Variants in DEPDC5 observed in about 807,000 individuals in gnomAD.
DEPDC5 encodes GATOR1 complex protein DEPDC5.
In DEPDC5, 73 loss-of-function variants were observed where a neutral mutation model predicts 217.3. That is an observed-to-expected ratio of 0.34 (90% CI 0.28 to 0.41). DEPDC5 has a LOEUF of 0.41. DEPDC5 is among the 10% of genes least tolerant of loss of function. The probability of loss-of-function intolerance (pLI) is 1.00; values close to 1 mark genes in which losing one functional copy is unlikely to be tolerated. For missense variants in DEPDC5, 1,675 were observed against 2,070.1 expected (o/e 0.81, Z 3.70); for synonymous variants, 733 against 756.7 (o/e 0.97, Z 0.51).
At chr22:31,880,027 C>T (rs1053037257) in intron 38 of DEPDC5, 7 of 432,968 alleles carry the variant, frequency 1.6e-5, no homozygotes, top group East Asian at 4.7e-5. Flanking sequence ...AATATGTGGC[C>T]AATTTTCCCG....
intron 35 of DEPDC5, chr22:31,873,708 CAAGTATAGGT>C (rs1298987596): frequency 1.1e-5 from 2 of 175,170 alleles, no homozygotes; most frequent in Non-Finnish European, 2.4e-5. Flanking sequence ...TGATGCCTGA[CAAGTATAGGT>C]ATTCTCCGAA....
intron 24 of DEPDC5, among the ~76,000 whole-genome samples, chr22:31,830,112 T>C (rs1213476549): frequency 2.6e-5 from 4 of 152,252 alleles, no homozygotes; most frequent in Non-Finnish European, 4.4e-5. Flanking sequence ...GTTTTTTTTA[T>C]GGGTAAGTGC....
chr22:31,857,625 G>T, intron 32 of DEPDC5, 72 bp downstream of exon 32: 2 of 1,298,664 alleles, frequency 1.5e-6, no homozygotes, highest in Non-Finnish European at 2.2e-6. Context: ...AAAACAGATC[G>T]CCCTTCAGAT....
chr22:31,869,014 G>A (rs887126969), intron 33 of DEPDC5, among the ~76,000 whole-genome samples: 4 of 152,012 alleles, frequency 2.6e-5, no homozygotes, highest in Non-Finnish European at 5.9e-5. Context: ...AGGCTGAGGC[G>A]GAAGGATCAG....
intron 14 of DEPDC5, among the ~76,000 whole-genome samples, chr22:31,799,138 G>C (rs1245818683): frequency 6.6e-6 from 1 of 151,566 alleles, no homozygotes; most frequent in Non-Finnish European, 1.5e-5. Flanking sequence ...CCCACTCCTG[G>C]GTTCAGGCGA....
At chr22:31,754,716 G>T in intron 1 of DEPDC5, 146 bp from the exon 2 acceptor site, 1 of 603,782 alleles carries the variant, frequency 1.7e-6, no homozygotes, top group East Asian at 2.8e-5. Context: ...ATCGCTCCTT[G>T]TAACTGGAGG....
chr22:31,755,218 G>A (rs1432885085), intron 2 of DEPDC5: 1 of 523,744 alleles, frequency 1.9e-6, no homozygotes, highest in Non-Finnish European at 3.4e-6. Flanking sequence ...TTCATTTGTT[G>A]AATTGCATTA....
chr22:31,904,552 G>A (rs1307941774), intron 41 of DEPDC5, among the ~76,000 whole-genome samples: 1 of 152,118 alleles, frequency 6.6e-6, no homozygotes, highest in Non-Finnish European at 1.5e-5. Context: ...AGACCAGCCT[G>A]GCCAAAATGG....
At chr22:31,812,548 C>T (rs2088524251) in intron 20 of DEPDC5, among the ~76,000 whole-genome samples, 1 of 150,618 alleles carries the variant, frequency 6.6e-6, no homozygotes, top group Non-Finnish European at 1.5e-5. Flanking sequence ...CCTCAGCCTC[C>T]CGAGTAGCTG....
intron 32 of DEPDC5, 55 bp downstream of exon 32, chr22:31,857,608 G>A: frequency 6.8e-7 from 1 of 1,466,058 alleles, no homozygotes; most frequent in Non-Finnish European, 9.4e-7. Context: ...GACTCAGTGT[G>A]GAGGGTAAAA....
At chr22:31,844,903 C>CACAT (rs2091633384) in intron 29 of DEPDC5, 115 bp from the exon 30 acceptor site, 1 of 1,035,032 alleles carries the variant, frequency 9.7e-7, no homozygotes, top group Admixed American at 2.1e-5. Flanking sequence ...ATCAAATGAG[C>CACAT]ACATACTCAT....
intron 33 of DEPDC5, among the ~76,000 whole-genome samples, chr22:31,863,496 T>C (rs762932553): frequency 6.6e-6 from 1 of 152,088 alleles, no homozygotes; most frequent in South Asian, 2.1e-4. Context: ...GAGACTGTTA[T>C]GGAAAGTTTT....
chr22:31,853,627 A>G (rs961972764), intron 31 of DEPDC5, among the ~76,000 whole-genome samples: 5 of 152,336 alleles, frequency 3.3e-5, no homozygotes, highest in Non-Finnish European at 7.3e-5. Flanking sequence ...TTAACTGTGT[A>G]TATTTCTTCC....
intron 37 of DEPDC5, among the ~76,000 whole-genome samples, chr22:31,878,638 A>T (rs1158838001): frequency 6.6e-6 from 1 of 152,042 alleles, no homozygotes; most frequent in Non-Finnish European, 1.5e-5. Flanking sequence ...GCTTGAGCCC[A>T]GGAGGTTGAG....
rs2148707527 is a variant in DEPDC5, at chr22:31,810,580, T to C, written c.1384T>C (p.Tyr462His). Residue 462 changes from tyrosine to histidine, a missense_variant, in exon 20 of 43, where the codon TAT becomes CAT. Tyr to His is a moderately conservative substitution (Grantham distance 83). Coordinates refer to ENST00000651528, the MANE Select transcript of DEPDC5 (RefSeq NM_001242896.3). ...ALPIQVDYDA[Y>H]DAQVFRLPGP... ...TCCCATCCAAGTAGATTATGACGCC[T>C]ATGACGCTCAAGTGTTCAGGCTGCC... is the stretch of plus-strand genomic sequence containing the variant. 1.9e-6 allele frequency: 3 copies of C among 1,614,210 alleles called. No individual in the cohort carries two copies. The highest frequency in any genetic ancestry group is 2.5e-6 in the Non-Finnish European group (3 of 1,180,042).
intron 10 of DEPDC5, among the ~76,000 whole-genome samples, chr22:31,789,480 G>A (rs1201294202): frequency 6.6e-6 from 1 of 152,168 alleles, no homozygotes; most frequent in African/African-American, 2.4e-5. Context: ...GACTGAGGGT[G>A]GGGAGTGACT....
At chr22:31,847,003 T>G (rs1182918228) in intron 31 of DEPDC5, 36 bp downstream of exon 31, 5 of 1,614,016 alleles carry the variant, frequency 3.1e-6, no homozygotes, top group Middle Eastern at 1.7e-4. Context: ...TGTCCCCACC[T>G]TGACAGCCCT....
chr22:31,897,452 G>C, intron 39 of DEPDC5, 30 bp from the exon 40 acceptor site: 1 of 1,577,528 alleles, frequency 6.3e-7, no homozygotes, highest in Non-Finnish European at 8.6e-7. Context: ...ACTTGGAGAT[G>C]ATATTGTTTG....
intron 32 of DEPDC5, among the ~76,000 whole-genome samples, chr22:31,859,535 G>A (rs917739905): frequency 1.6e-4 from 24 of 152,062 alleles, no homozygotes; most frequent in African/African-American, 5.8e-4. Flanking sequence ...GGGATTACAG[G>A]CGTGCACCAC....
Sources: allele counts gnomAD v4.1 joint callset (sites outside exome capture counted in the v4.1 genomes callset), GRCh38; gene constraint gnomAD v4.1.1; transcripts MANE v1.5; gene names NCBI Gene and HGNC (gene_info 2026-07-23, HGNC 2026-07-21).